The following NUP205 variants were observed in gnomAD, a reference collection of about 807,000 sequenced individuals.
NUP205 encodes the protein nucleoporin 205, also known as nuclear pore complex protein Nup205.
NUP205 carries 76 observed loss-of-function variants against 253.8 expected under a neutral mutation model. That is an observed-to-expected ratio of 0.30 (90% CI 0.25 to 0.36). The LOEUF is 0.36. Ranked by LOEUF, NUP205 falls within the 10% of genes least tolerant of loss-of-function variation. The pLI is 1.00. For synonymous variants in NUP205, 832 were observed against 850.1 expected (o/e 0.98, Z 0.37); for missense variants, 2,162 against 2,425.5 (o/e 0.89, Z 2.28).
rs1334521753 is a variant in NUP205, at chr7:135,593,107, G to A, written c.1745G>A (p.Arg582His). The change falls in exon 12 of 43, where the codon CGT becomes CAT. Residue 582 changes from arginine to histidine, a missense_variant. Transcript: ENST00000285968. ...DLPSADSVQY[R>H]HLPSRGITQK... is the part of the protein sequence containing the mutation. ...CCAAGTGCAGATAGTGTCCAGTACC[G>A]TCACCTTCCTTCCCGTGGCATCACC... 8 of 1,613,896 alleles carry A rather than the reference G, an allele frequency of 5.0e-6. No individual in the cohort carries two copies. Among genetic ancestry groups the A allele is most frequent in the South Asian group, 2.2e-5 (2 of 91,086 alleles).
chr7:135,572,008 A>G (rs1563110849), intron 2 of NUP205, among the ~76,000 whole-genome samples: 1 of 152,118 alleles, frequency 6.6e-6, no homozygotes, highest in Non-Finnish European at 1.5e-5. Flanking sequence ...CTGGGACTAC[A>G]GGTGTGTGCC....
At chr7:135,628,498 C>A (rs1011451322) in intron 34 of NUP205, among the ~76,000 whole-genome samples, 1 of 152,154 alleles carries the variant, frequency 6.6e-6, no homozygotes, top group Non-Finnish European at 1.5e-5. Context: ...GTAATCCCAG[C>A]ACTTCGGGAG....
At chr7:135,645,619 A>G in intron 41 of NUP205, 23 bp downstream of exon 41, 2 of 1,606,816 alleles carry the variant, frequency 1.2e-6, no homozygotes, top group Non-Finnish European at 1.7e-6. Flanking sequence ...CTAAAAATTA[A>G]TGAACCATAA....
chr7:135,578,051 A>G (rs1179573785), intron 6 of NUP205, 27 bp downstream of exon 6: 2 of 1,511,224 alleles, frequency 1.3e-6, no homozygotes, highest in Non-Finnish European at 1.8e-6. Flanking sequence ...ATTTTCCTAC[A>G]TTAAAAAAAT....
At chr7:135,624,642 G>T (rs543246335) in intron 31 of NUP205, among the ~76,000 whole-genome samples, 1 of 152,216 alleles carries the variant, frequency 6.6e-6, no homozygotes, top group East Asian at 1.9e-4. Flanking sequence ...CTCCCAAAAT[G>T]CTGGGATTAC....
Position 135,630,596 on chromosome 7 carries a change from C to T in NUP205, c.5059+126C>T, listed in dbSNP as rs886889624. On this transcript the variant is annotated intron_variant, in intron 35 of 42. Transcript: ENST00000285968. ...TTTGAAATTGGTACTGCTAACAGAG[C>T]CTTTATTTATGTAATAAGTTTATGT... 4 of 700,252 alleles carry T rather than the reference C, an allele frequency of 5.7e-6. No individual in the cohort carries two copies. The Admixed American group carries it at 1.1e-4, about 19-fold the overall frequency. The allele number at this position is 700,252 out of a possible 1,614,324, so 43.4% of individuals were successfully genotyped here. A position where few individuals can be genotyped will look rare whatever the true frequency, so the allele number is the denominator to read the frequency against.
At chr7:135,568,356 A>G (rs1805843307) in intron 1 of NUP205, among the ~76,000 whole-genome samples, 1 of 151,890 alleles carries the variant, frequency 6.6e-6, no homozygotes, top group African/African-American at 2.4e-5. Flanking sequence ...TTGTTGAGAC[A>G]GAGTCTCACT....
At chr7:135,560,821 G>A (rs1351347816) in intron 1 of NUP205, among the ~76,000 whole-genome samples, 1 of 151,776 alleles carries the variant, frequency 6.6e-6, no homozygotes, top group Non-Finnish European at 1.5e-5. Context: ...CCAGGGGCTG[G>A]GAAAGGGGAA....
intron 38 of NUP205, among the ~76,000 whole-genome samples, chr7:135,642,876 G>GTA (rs1019755875): frequency 1.4e-5 from 2 of 142,608 alleles, no homozygotes; most frequent in Non-Finnish European, 3.1e-5. Context: ...GTGTGTGTGT[G>GTA]TGTGTAAGGT....
At chr7:135,627,925 G>T (rs754631486) in intron 33 of NUP205, 48 bp from the exon 34 acceptor site, 1 of 1,599,184 alleles carries the variant, frequency 6.3e-7, no homozygotes, top group South Asian at 1.1e-5. Context: ...ATTGCCGAGA[G>T]TATACCTTAA....
intron 5 of NUP205, 91 bp downstream of exon 5, chr7:135,577,219 A>G (rs1414190476): frequency 3.9e-6 from 5 of 1,269,266 alleles, no homozygotes; most frequent in African/African-American, 3.0e-5. Flanking sequence ...TTCAAGATGA[A>G]TTATGTAGCT....
In NUP205 at chr7:135,577,155, G is replaced by T. The variant is rs780926068; in HGVS notation, c.648+27G>T. ...CAAGGGTTCAATGAAATCAATTCAT[G>T]AGTTGTCTGTCAAATCTCAGAGGCA... On this transcript the variant is annotated intron_variant, in intron 5 of 42. Transcript: ENST00000285968. 4.4e-6 allele frequency: 7 copies of T among 1,582,066 alleles called. No individual in the cohort carries two copies. In the East Asian group the frequency reaches 1.4e-4, roughly 31 times the overall value.
chr7:135,617,724 A>G, intron 27 of NUP205, 42 bp downstream of exon 27: 4 of 1,287,998 alleles, frequency 3.1e-6, no homozygotes, highest in Non-Finnish European at 4.5e-6. Context: ...ACTTCTAACT[A>G]CTTAGGTTGC....
intron 17 of NUP205, 71 bp downstream of exon 17, chr7:135,601,578 G>C: frequency 2.0e-6 from 3 of 1,486,086 alleles, no homozygotes; most frequent in Non-Finnish European, 2.7e-6. Flanking sequence ...CTGAGAATTT[G>C]AAATAGATGA....
intron 31 of NUP205, among the ~76,000 whole-genome samples, chr7:135,623,817 C>T (rs1794524629): frequency 6.6e-6 from 1 of 152,226 alleles, no homozygotes; most frequent in South Asian, 2.1e-4. Context: ...GAGTCTCGCT[C>T]TGTCGCCCCG....
intron 1 of NUP205, among the ~76,000 whole-genome samples, chr7:135,560,799 G>A (rs1805561587): frequency 6.6e-6 from 1 of 152,154 alleles, no homozygotes; most frequent in African/African-American, 2.4e-5. Flanking sequence ...ACAGAAAGTA[G>A]AATGGTGGTT....
At chr7:135,574,433 T>G (rs1294437241) in intron 3 of NUP205, among the ~76,000 whole-genome samples, 1 of 152,126 alleles carries the variant, frequency 6.6e-6, no homozygotes, top group Non-Finnish European at 1.5e-5. Context: ...AGAAGGCCTC[T>G]CTAAGATGGT....
At chr7:135,607,556 A>T (rs1489864372) in intron 22 of NUP205, among the ~76,000 whole-genome samples, 185 bp downstream of exon 22, 1 of 152,214 alleles carries the variant, frequency 6.6e-6, no homozygotes, top group Non-Finnish European at 1.5e-5. Context: ...ATAGACCCAA[A>T]TCTTATGTTA....
In NUP205 at chr7:135,630,370, T is replaced by C. The variant is rs993795410; in HGVS notation, c.4959T>C (p.Ser1653=). The C allele has an allele frequency of 2.5e-6, 4 of 1,602,236 alleles. No homozygotes were observed. In the African/African-American group the frequency reaches 5.4e-5, roughly 22 times the overall value. Reference sequence around the variant, plus strand: ...TATTGCAGTTTCTTATTTCACATTCTGATACCATACAAGCAATTCTGCGCT... The same window carrying C: ...TATTGCAGTTTCTTATTTCACATTCCGATACCATACAAGCAATTCTGCGCT... ...GQVLQFLISH[S]DTIQAILRCQ... is the part of the protein sequence containing the mutation. Residue 1653 remains serine, a synonymous_variant, in exon 35 of 43, where the codon TCT becomes TCC. Transcript: ENST00000285968.
Sources: allele counts gnomAD v4.1 joint callset (sites outside exome capture counted in the v4.1 genomes callset), GRCh38; gene constraint gnomAD v4.1.1; transcripts MANE v1.5; gene names NCBI Gene and HGNC (gene_info 2026-07-23, HGNC 2026-07-21).